The following ROR1 variants were observed in gnomAD, a reference collection of about 807,000 sequenced individuals.
The protein encoded by ROR1 is ROR family WNT receptor 1.
In ROR1, 19 loss-of-function variants were observed where a neutral mutation model predicts 78.8. The observed-to-expected ratio is 0.24, with a 90% CI of 0.17 to 0.35. ROR1 has a LOEUF of 0.35. ROR1 is among the 10% of genes least tolerant of loss of function. The pLI, the probability that ROR1 is intolerant of heterozygous loss-of-function variation, is 1.00. For missense variants in ROR1, 917 were observed against 1,177.8 expected (o/e 0.78, Z 3.24); for synonymous variants, 386 against 433.6 (o/e 0.89, Z 1.36).
At chr1:63,941,452 T>A (rs1645839526) in intron 1 of ROR1, among the ~76,000 whole-genome samples, 1 of 152,168 alleles carries the variant, frequency 6.6e-6, no homozygotes, top group Admixed American at 6.5e-5. Context: ...AAGTTTGAAA[T>A]AATTTCAAAG....
At chr1:64,014,713 C>CTATATATATATATATATATATATATATA (rs112423773) in intron 2 of ROR1, among the ~76,000 whole-genome samples, 8 of 29,314 alleles carry the variant, frequency 2.7e-4, no homozygotes, top group Admixed American at 2.2e-3. Flanking sequence ...TGCTGACAGA[C>CTATATATATATATATATATATATATATA]TATATATATA....
At chr1:64,144,784 T>C (rs1384114816) in intron 7 of ROR1, among the ~76,000 whole-genome samples, 1 of 152,214 alleles carries the variant, frequency 6.6e-6, no homozygotes, top group East Asian at 1.9e-4. Context: ...AAAATGAATC[T>C]GCTTAATGGC....
intron 2 of ROR1, among the ~76,000 whole-genome samples, chr1:64,017,791 G>A (rs143892775): frequency 9.8e-4 from 149 of 152,282 alleles, no homozygotes; most frequent in Non-Finnish European, 1.6e-3. Context: ...GCCCAGGCAG[G>A]TGAGCAACCG....
intron 1 of ROR1, among the ~76,000 whole-genome samples, chr1:63,812,754 G>A (rs1470579732): frequency 6.6e-6 from 1 of 152,182 alleles, no homozygotes; most frequent in African/African-American, 2.4e-5. Flanking sequence ...CTTTGTATGT[G>A]TTGAGCACTT....
At chr1:63,844,121 A>G (rs865912066) in intron 1 of ROR1, among the ~76,000 whole-genome samples, 4 of 152,146 alleles carry the variant, frequency 2.6e-5, no homozygotes, top group South Asian at 2.1e-4. Context: ...TGCTAACATT[A>G]GGATGATAAA....
chr1:63,978,331 T>A (rs1646178764), intron 1 of ROR1, among the ~76,000 whole-genome samples: 1 of 152,230 alleles, frequency 6.6e-6, no homozygotes, highest in Non-Finnish European at 1.5e-5. Context: ...AAGAGTAAAG[T>A]CATGGTCATT....
chr1:63,841,932 T>G lies in ROR1; in HGVS notation c.91+67424T>G, dbSNP rs116789129. On this transcript the variant is annotated intron_variant, in intron 1 of 8. Coordinates refer to ENST00000371079, the MANE Select transcript of ROR1 (RefSeq NM_005012.4). ...CAGCTCTATGTTGGATACTTCCACA[T>G]GGATGTCTCATAGGCCTCCAAACTG... 4.0e-3 allele frequency among the ~76,000 whole-genome samples: 606 copies of G among 152,314 alleles called. 4 individuals carry two copies. Among genetic ancestry groups the G allele is most frequent in the Non-Finnish European group, 5.6e-3 (378 of 68,030 alleles).
At chr1:63,843,271 T>C (rs879102024) in intron 1 of ROR1, 11 of 1,473,424 alleles carry the variant, frequency 7.5e-6, no homozygotes, top group Non-Finnish European at 1.0e-5. Context: ...TTGACCTCCT[T>C]GTAGCAGTTT....
chr1:63,879,673 T>TG (rs770249581), intron 1 of ROR1, among the ~76,000 whole-genome samples: 1 of 152,120 alleles, frequency 6.6e-6, no homozygotes, highest in Non-Finnish European at 1.5e-5. Context: ...AGTGAAGAGA[T>TG]GTTTAGCTGT....
At chr1:63,830,909 C>T (rs771567133) in intron 1 of ROR1, among the ~76,000 whole-genome samples, 60 of 152,148 alleles carry the variant, frequency 3.9e-4, no homozygotes, top group Non-Finnish European at 1.6e-4. Flanking sequence ...GTTCCCATTC[C>T]GAATAGGAGA....
intron 1 of ROR1, among the ~76,000 whole-genome samples, chr1:63,940,437 GTC>G (rs1569945223): frequency 6.6e-6 from 1 of 152,058 alleles, no homozygotes; most frequent in East Asian, 1.9e-4. Flanking sequence ...GAAGCCACAA[GTC>G]TATTCGGTGA....
At chr1:63,969,987 C>A (rs1478674586) in intron 1 of ROR1, among the ~76,000 whole-genome samples, 1 of 152,132 alleles carries the variant, frequency 6.6e-6, no homozygotes, top group Non-Finnish European at 1.5e-5. Context: ...TCATTACTTT[C>A]TTTTATCCAT....
intron 1 of ROR1, among the ~76,000 whole-genome samples, chr1:63,919,265 C>A (rs17125809): frequency 0.11 from 16,545 of 152,112 alleles, 1,052 homozygotes; most frequent in African/African-American, 0.17. Flanking sequence ...GGAGCTTAGG[C>A]ATTATGATTA....
intron 4 of ROR1, among the ~76,000 whole-genome samples, chr1:64,057,479 A>G (rs1030244635): frequency 6.6e-6 from 1 of 152,212 alleles, no homozygotes; most frequent in Non-Finnish European, 1.5e-5. Context: ...ATTACAAAGA[A>G]TTTGCTAAAA....
intron 1 of ROR1, among the ~76,000 whole-genome samples, chr1:63,905,074 A>G (rs1645518281): frequency 6.6e-6 from 1 of 152,048 alleles, no homozygotes; most frequent in South Asian, 2.1e-4. Flanking sequence ...ACTCAGCCAC[A>G]CTGCTTCAGA....
At chr1:63,829,512 G>A (rs2100296722) in intron 1 of ROR1, among the ~76,000 whole-genome samples, 1 of 152,262 alleles carries the variant, frequency 6.6e-6, no homozygotes, top group South Asian at 2.1e-4. Flanking sequence ...GCTGAGATCT[G>A]GGGATGGAAT....
chr1:63,863,206 A>G (rs1212079376), intron 1 of ROR1, among the ~76,000 whole-genome samples: 1 of 152,194 alleles, frequency 6.6e-6, no homozygotes, highest in African/African-American at 2.4e-5. Flanking sequence ...ATAATACCTT[A>G]GTAGAAGCAA....
At position 63,843,321 on chromosome 1, in the gene ROR1, G is replaced by A. The variant is rs1645060747; in HGVS notation, c.91+68813G>A. ...CTTGATCCCTGTCAGCTTCTTGACG[G>A]CGTCCTTGGAGCTGGCATAGATCAT... On this transcript the variant is annotated intron_variant, in intron 1 of 8. Coordinates refer to ENST00000371079, the MANE Select transcript of ROR1 (RefSeq NM_005012.4). 5 of 1,186,616 alleles carry A rather than the reference G, an allele frequency of 4.2e-6. No homozygotes were observed. The Admixed American group carries it at 8.5e-5, about 20-fold the overall frequency. The allele number at this position is 1,186,616 out of a possible 1,614,324, so 73.5% of individuals were successfully genotyped here.
At chr1:64,051,463 A>AAAAAT (rs1193542648) in intron 4 of ROR1, among the ~76,000 whole-genome samples, 576 of 21,028 alleles carry the variant, frequency 0.027, 15 homozygotes, top group African/African-American at 0.036. Flanking sequence ...AATAAAAAAT[A>AAAAAT]AAATAAAATA....
Sources: gnomAD v4.1 joint callset for allele counts (sites outside exome capture counted in the v4.1 genomes callset) on GRCh38, gnomAD v4.1.1 for gene constraint, MANE v1.5 for transcripts, NCBI Gene and HGNC (gene_info 2026-07-23, HGNC 2026-07-21) for gene names.